Variants in GUCY1A1 observed in about 807,000 individuals in gnomAD.
The protein encoded by GUCY1A1 is guanylate cyclase soluble subunit alpha-1.
GUCY1A1 carries 48 observed loss-of-function variants against 64.5 expected under a neutral mutation model. That is an observed-to-expected ratio of 0.74 (90% CI 0.59 to 0.95). The LOEUF (loss-of-function observed/expected upper bound fraction) is 0.95. GUCY1A1 is among the 40% of genes least tolerant of loss of function. GUCY1A1 has a pLI of 0.00. For missense variants in GUCY1A1, 804 were observed against 825.3 expected (o/e 0.97, Z 0.32); for synonymous variants, 308 against 303.4 (o/e 1.02, Z -0.16).
chr4:155,683,935 T>C (rs1481486315), intron 2 of GUCY1A1, among the ~76,000 whole-genome samples: 2 of 152,100 alleles, frequency 1.3e-5, no homozygotes, highest in East Asian at 1.9e-4. Context: ...GTCATCAGGG[T>C]ATATTGGGTG....
intron 2 of GUCY1A1, chr4:155,667,956 A>C (rs1578979056): frequency 1.3e-5 from 2 of 152,498 alleles, no homozygotes; most frequent in East Asian, 3.9e-4. Flanking sequence ...CCTCCTCCAC[A>C]GCAAAAGCTG....
chr4:155,692,821 G>A (rs1729925496), intron 2 of GUCY1A1, among the ~76,000 whole-genome samples: 1 of 152,160 alleles, frequency 6.6e-6, no homozygotes, highest in South Asian at 2.1e-4. Flanking sequence ...TGCTTTGGGA[G>A]ACTGAGGCAC....
intron 2 of GUCY1A1, among the ~76,000 whole-genome samples, chr4:155,694,078 C>G (rs181660669): frequency 5.3e-5 from 8 of 152,068 alleles, no homozygotes; most frequent in Admixed American, 5.2e-4. Context: ...TTTTATGTAC[C>G]CTTTTTTGCT....
In GUCY1A1 at chr4:155,688,858, T is replaced by C. The variant is rs73858161; in HGVS notation, c.-112-7898T>C. Reference sequence around the variant, plus strand: ...AGTTAAAAGATACATTGAATTCTAATGAATACTGCACCTCAGCAATTGTAG... The same window carrying C: ...AGTTAAAAGATACATTGAATTCTAACGAATACTGCACCTCAGCAATTGTAG... On this transcript the variant is annotated intron_variant, in intron 2 of 9. Transcript: ENST00000506455. Among the ~76,000 whole-genome samples the C allele has an allele frequency of 4.6e-3, 695 of 152,124 alleles. 5 individuals are homozygous for C. The highest frequency in any genetic ancestry group is 0.016 in the African/African-American group (683 of 41,456).
At position 155,730,457 on chromosome 4, in the gene GUCY1A1, A is replaced by G. The variant is rs1204444953; in HGVS notation, c.*226A>G. 20 of 400,836 alleles carry G rather than the reference A, an allele frequency of 5.0e-5. No individual in the cohort carries two copies. The highest frequency in any genetic ancestry group is 4.5e-6 in the Non-Finnish European group (1 of 223,210). 24.8% of individuals were successfully genotyped at this position (400,836 alleles called of 1,614,324 possible). The stretch of plus-strand genomic sequence containing the variant: ...AACCTTAAAAAGCTACTTTTGTGGG[A>G]GTATTTCTATTATATAACCAGCACT... On this transcript the variant is annotated 3_prime_UTR_variant, in exon 10 of 10. Transcript: ENST00000506455.
chr4:155,722,254 C>G, intron 9 of GUCY1A1, 62 bp downstream of exon 9: 1 of 1,556,248 alleles, frequency 6.4e-7, no homozygotes, highest in Non-Finnish European at 8.7e-7. Context: ...TGCCATTTGC[C>G]CCACTGATTT....
chr4:155,667,640 G>C (rs1322334801), intron 2 of GUCY1A1: 1 of 151,930 alleles, frequency 6.6e-6, no homozygotes, highest in African/African-American at 2.4e-5. Context: ...CGGGGGACCC[G>C]CGGCGCCCGA....
Position 155,703,975 on chromosome 4 carries a change from A to G in GUCY1A1, c.299A>G (p.His100Arg), listed in dbSNP as rs748611544. 21 of 1,607,004 alleles carry G rather than the reference A, an allele frequency of 1.3e-5. No homozygotes were observed. The highest frequency in any genetic ancestry group is 1.7e-5 in the Non-Finnish European group (20 of 1,176,052). Residue 100 changes from histidine to arginine, a missense_variant, in exon 4 of 10, where the codon CAC becomes CGC. Transcript: ENST00000506455. ...GCACTTCAGAGAACATTGGCAAAGC[A>G]CAAAATAAAAGAAAGCAGGTAAGTC... ...NVALQRTLAK[H>R]KIKESRKSLE...
In GUCY1A1 at chr4:155,713,412, G is replaced by T; in HGVS notation, c.1401G>T (p.Trp467Cys). The T allele has an allele frequency of 5.6e-6, 9 of 1,614,172 alleles. No homozygotes were observed. Among genetic ancestry groups the T allele is most frequent in the Non-Finnish European group, 6.8e-6 (8 of 1,180,026 alleles). ...CCTGTGAGGTTGCTCAGCAGCTGTG[G>T]CAAGGGCAAGTTGTGCAAGCCAAGA... Reference protein sequence around the residue: ...IFPCEVAQQLWQGQVVQAKKF... With the variant: ...IFPCEVAQQLCQGQVVQAKKF... Residue 467 changes from tryptophan to cysteine, a missense_variant, in exon 7 of 10, where the codon TGG (tryptophan) becomes TGT (cysteine). By Grantham distance (215) the Trp-to-Cys change is radical. Coordinates refer to ENST00000506455, the MANE Select transcript of GUCY1A1 (RefSeq NM_001130682.3).
intron 2 of GUCY1A1, among the ~76,000 whole-genome samples, chr4:155,684,295 A>G (rs1327821913): frequency 6.6e-6 from 1 of 152,188 alleles, no homozygotes; most frequent in Non-Finnish European, 1.5e-5. Context: ...CCTGCAAAGT[A>G]TATGTTCAGA....
intron 2 of GUCY1A1, among the ~76,000 whole-genome samples, chr4:155,678,100 C>A (rs555265579): frequency 6.6e-6 from 1 of 151,948 alleles, no homozygotes; most frequent in Non-Finnish European, 1.5e-5. Context: ...GAACAAACTG[C>A]GTTAATCTCC....
chr4:155,675,275 A>T (rs1198346390), intron 2 of GUCY1A1, among the ~76,000 whole-genome samples: 1 of 151,640 alleles, frequency 6.6e-6, no homozygotes, highest in African/African-American at 2.4e-5. Flanking sequence ...AGTATTCCAT[A>T]GTATAACATA....
chr4:155,717,176 T>A lies in GUCY1A1; in HGVS notation c.1590T>A (p.Asp530Glu). 6.6e-7 allele frequency: 1 copy of A among 1,520,282 alleles called. No individual in the cohort carries two copies. The highest frequency in any genetic ancestry group is 8.9e-7 in the Non-Finnish European group (1 of 1,125,186). 94.2% of individuals were successfully genotyped at this position (1,520,282 alleles called of 1,614,324 possible). The change falls in exon 8 of 10, where the codon GAT becomes GAA. Residue 530 changes from aspartate (D) to glutamate (E), a missense_variant. Asp to Glu is a conservative substitution (Grantham distance 45). Transcript: ENST00000506455. ...ATGTCTAGGTGGAGACCATTGGCGA[T>A]GCCTATTGTGTAGCTGGGGGATTAC... ...LDVYKVETIG[D>E]AYCVAGGLHK...
intron 3 of GUCY1A1, among the ~76,000 whole-genome samples, chr4:155,697,413 C>T (rs552041061): frequency 6.6e-6 from 1 of 152,104 alleles, no homozygotes; most frequent in East Asian, 1.9e-4. Flanking sequence ...TTCCTTATCC[C>T]TAAAATGGAA....
chr4:155,729,335 A>G (rs964980658), intron 9 of GUCY1A1, among the ~76,000 whole-genome samples: 2 of 151,890 alleles, frequency 1.3e-5, no homozygotes, highest in Non-Finnish European at 2.9e-5. Flanking sequence ...CAATAGCTTA[A>G]TCAGTAAGAT....
chr4:155,675,134 A>AT (rs1734726357), intron 2 of GUCY1A1, among the ~76,000 whole-genome samples: 1 of 151,590 alleles, frequency 6.6e-6, no homozygotes, highest in African/African-American at 2.4e-5. Context: ...ATGCACTGGA[A>AT]TTTTTAGCTG....
chr4:155,680,469 TG>T (rs1735573237), intron 2 of GUCY1A1, among the ~76,000 whole-genome samples: 2 of 151,838 alleles, frequency 1.3e-5, no homozygotes, highest in Admixed American at 1.3e-4. Flanking sequence ...TATGTGTGTG[TG>T]TGTGTGTGTG....
chr4:155,720,799 TACA>T, intron 8 of GUCY1A1, among the ~76,000 whole-genome samples: 1 of 152,296 alleles, frequency 6.6e-6, no homozygotes, highest in Middle Eastern at 3.4e-3. Flanking sequence ...ATACATCTAA[TACA>T]ACTTTTTAAA....
intron 9 of GUCY1A1, among the ~76,000 whole-genome samples, chr4:155,723,141 T>A (rs1734192799): frequency 6.6e-6 from 1 of 152,076 alleles, no homozygotes; most frequent in Non-Finnish European, 1.5e-5. Context: ...AAACAGATAC[T>A]CCTATAACTC....
Sources: allele counts gnomAD v4.1 joint callset (sites outside exome capture counted in the v4.1 genomes callset), GRCh38; gene constraint gnomAD v4.1.1; transcripts MANE v1.5; gene names NCBI Gene and HGNC (gene_info 2026-07-23, HGNC 2026-07-21).